SCAPER: variants seen among roughly 807,000 people sequenced by gnomAD.
The protein encoded by SCAPER is S phase cyclin A-associated protein in the endoplasmic reticulum.
In SCAPER, 98 loss-of-function variants were observed where a neutral mutation model predicts 182.2. The observed-to-expected ratio is 0.54, with a 90% CI of 0.46 to 0.64. The LOEUF (loss-of-function observed/expected upper bound fraction) is 0.64. Among genes scored for constraint, SCAPER ranks in the 30% least tolerant of loss-of-function variants. The pLI is 0.00. For missense variants in SCAPER, 1,432 were observed against 1,690.0 expected (o/e 0.85, Z 2.68); for synonymous variants, 605 against 564.6 (o/e 1.07, Z -1.01).
chr15:76,356,746 G>A (rs1209645494), intron 29 of SCAPER, among the ~76,000 whole-genome samples: 4 of 152,130 alleles, frequency 2.6e-5, no homozygotes, highest in Admixed American at 6.5e-5. Flanking sequence ...CAAACATAAA[G>A]GGGCTTCCCA....
chr15:76,838,306 A>C (rs186698416), intron 5 of SCAPER, among the ~76,000 whole-genome samples: 203 of 152,292 alleles, frequency 1.3e-3, no homozygotes, highest in Non-Finnish European at 2.1e-3. Context: ...AGTAATAGAA[A>C]ACCAAGTACC....
In SCAPER at chr15:76,800,379, T is replaced by G; in HGVS notation, c.495-15A>C. The G allele has an allele frequency of 6.8e-7, 1 of 1,465,434 alleles. No individual in the cohort carries two copies. Among genetic ancestry groups the G allele is most frequent in the Non-Finnish European group, 9.5e-7 (1 of 1,050,120 alleles). The allele number at this position is 1,465,434 out of a possible 1,614,324, so 90.8% of individuals were successfully genotyped here. ...ATGATGTTGGTCTGCGAATTCAATA[T>G]ATAAACCAGATTAAATTAACAGAGA... On this transcript the variant is annotated splice_polypyrimidine_tract_variant and intron_variant, in intron 6 of 31. Transcript: ENST00000563290.
intron 20 of SCAPER, among the ~76,000 whole-genome samples, chr15:76,669,400 A>C (rs1324666018): frequency 6.6e-6 from 1 of 152,128 alleles, no homozygotes; most frequent in African/African-American, 2.4e-5. Context: ...CAAATAACCC[A>C]GGTCTTTCTT....
At position 76,598,502 on chromosome 15, in the gene SCAPER, G is replaced by A. The variant is rs1190433473; in HGVS notation, c.2711+23262C>T. 1.0e-3 allele frequency among the ~76,000 whole-genome samples: 121 copies of A among 121,450 alleles called. 35 individuals carry two copies. The highest frequency in any genetic ancestry group is 3.8e-4 in the Admixed American group (4 of 10,652). The allele number at this position is 121,450 out of a possible 152,430, so 79.7% of individuals were successfully genotyped here. ...TTCTACTATAAAGACACATGCACAC[G>A]TATGTTTATTGCAGCACTTTTCACA... is the stretch of plus-strand genomic sequence containing the variant. On this transcript the variant is annotated intron_variant, in intron 22 of 31. Coordinates refer to ENST00000563290, the MANE Select transcript of SCAPER (RefSeq NM_020843.4).
intron 24 of SCAPER, among the ~76,000 whole-genome samples, chr15:76,492,157 T>C (rs555928410): frequency 6.6e-6 from 1 of 152,314 alleles, no homozygotes; most frequent in East Asian, 1.9e-4. Flanking sequence ...ATGGAATTAA[T>C]GAATATAATA....
At chr15:76,415,570 T>C (rs1368880053) in intron 26 of SCAPER, among the ~76,000 whole-genome samples, 1 of 152,086 alleles carries the variant, frequency 6.6e-6, no homozygotes, top group Non-Finnish European at 1.5e-5. Flanking sequence ...CATAAATAAA[T>C]ATAAAAAAGT....
intron 31 of SCAPER, chr15:76,350,867 A>C (rs927065990): frequency 1.8e-5 from 3 of 163,168 alleles, no homozygotes; most frequent in African/African-American, 7.2e-5. Flanking sequence ...TAAGGAACCA[A>C]ACCTATGTGA....
intron 23 of SCAPER, among the ~76,000 whole-genome samples, chr15:76,557,861 C>A (rs923585605): frequency 6.6e-6 from 1 of 152,162 alleles, no homozygotes; most frequent in Non-Finnish European, 1.5e-5. Context: ...CTACAGCCAT[C>A]TAATCTTTGA....
At position 76,429,483 on chromosome 15, in the gene SCAPER, A is replaced by ATCC. The variant is rs1880154583; in HGVS notation, c.3311+4592_3311+4594dup. On this transcript the variant is annotated intron_variant, in intron 26 of 31. Transcript: ENST00000563290. ...TGCTGATAATGGTAACGACAATGAAATCCAGGCTGAGCTGGTCTCAGATGG... is the reference window on the plus strand; with the variant it reads ...TGCTGATAATGGTAACGACAATGAAATCCTCCAGGCTGAGCTGGTCTCAGATGG... 5.3e-5 allele frequency among the ~76,000 whole-genome samples: 8 copies of ATCC among 152,268 alleles called. No individual in the cohort carries two copies. In the South Asian group the frequency reaches 1.7e-3, roughly 32 times the overall value.
At chr15:76,572,924 C>CACAT (rs2047549862) in intron 23 of SCAPER, among the ~76,000 whole-genome samples, 1 of 150,802 alleles carries the variant, frequency 6.6e-6, no homozygotes, top group Non-Finnish European at 1.5e-5. Context: ...CTCTCTCACA[C>CACAT]ACACACACAC....
chr15:76,574,326 A>C, intron 22 of SCAPER, 42 bp from the exon 23 acceptor site: 8 of 1,594,282 alleles, frequency 5.0e-6, no homozygotes, highest in Non-Finnish European at 6.8e-6. Flanking sequence ...TTAATGAAAC[A>C]GACTATAATC....
intron 17 of SCAPER, among the ~76,000 whole-genome samples, chr15:76,708,778 AGAG>A (rs2059405315): frequency 6.6e-6 from 1 of 152,148 alleles, no homozygotes; most frequent in African/African-American, 2.4e-5. Context: ...AAGAATGAAA[AGAG>A]GAGGCTGGGC....
chr15:76,447,158 A>G (rs1010461319), intron 25 of SCAPER, among the ~76,000 whole-genome samples: 22 of 152,194 alleles, frequency 1.4e-4, no homozygotes, highest in Admixed American at 1.2e-3. Flanking sequence ...TAAAAACCCA[A>G]TAGGATAGGG....
intron 25 of SCAPER, among the ~76,000 whole-genome samples, chr15:76,441,821 C>A (rs454381): frequency 3.3e-5 from 5 of 150,406 alleles, no homozygotes; most frequent in African/African-American, 1.2e-4. Context: ...ACATTATTTC[C>A]TCTCTCTCTC....
rs183416116 is a variant in SCAPER at position 76,598,853 on chromosome 15, G to A, written c.2711+22911C>T. Reference sequence around the variant, plus strand: ...ATTAGGAGAACTACCTAATGTAGATGACGGGTTGATGGGTGCAGCATGGCA... The same window carrying A: ...ATTAGGAGAACTACCTAATGTAGATAACGGGTTGATGGGTGCAGCATGGCA... On this transcript the variant is annotated intron_variant, in intron 22 of 31. Transcript: ENST00000563290. Among the ~76,000 whole-genome samples the A allele has an allele frequency of 9.9e-3, 1,182 of 118,874 alleles. 129 individuals carry two copies. Among genetic ancestry groups the A allele is most frequent in the African/African-American group, 0.028 (1,117 of 39,202 alleles). The allele number at this position is 118,874 out of a possible 152,430, so 78.0% of individuals were successfully genotyped here. A position where few individuals can be genotyped will look rare whatever the true frequency, so the allele number is the denominator to read the frequency against.
chr15:76,487,398 A>G (rs978692570), intron 24 of SCAPER, among the ~76,000 whole-genome samples: 5 of 152,210 alleles, frequency 3.3e-5, no homozygotes, highest in Admixed American at 2.6e-4. Context: ...ATGGAGCACA[A>G]TGAAGTTTTG....
At chr15:76,726,658 T>A (rs116133790) in intron 17 of SCAPER, among the ~76,000 whole-genome samples, 2,359 of 152,176 alleles carry the variant, frequency 0.016, 61 homozygotes, top group African/African-American at 0.055. Flanking sequence ...GAAATACTAT[T>A]CAGTCTTAAA....
intron 24 of SCAPER, among the ~76,000 whole-genome samples, chr15:76,475,278 T>C (rs1326988088): frequency 6.6e-6 from 1 of 152,112 alleles, no homozygotes; most frequent in African/African-American, 2.4e-5. Flanking sequence ...AATTAATATA[T>C]AATAATGAAC....
At chr15:76,609,004 C>T (rs902867916) in intron 22 of SCAPER, among the ~76,000 whole-genome samples, 10 of 152,174 alleles carry the variant, frequency 6.6e-5, no homozygotes, top group Admixed American at 6.5e-5. Flanking sequence ...TGCTTCGGCT[C>T]GCGCACAGTG....
Sources: gnomAD v4.1 joint callset for allele counts (sites outside exome capture counted in the v4.1 genomes callset) on GRCh38, gnomAD v4.1.1 for gene constraint, MANE v1.5 for transcripts, NCBI Gene and HGNC (gene_info 2026-07-23, HGNC 2026-07-21) for gene names.